RTF2: variants seen among roughly 807,000 people sequenced by gnomAD.
The protein encoded by RTF2 is UPF0549 protein C20orf43.
Under a neutral mutation model 38.0 loss-of-function variants are expected in RTF2, and 18 were observed. The observed-to-expected ratio is 0.47, with a 90% CI of 0.33 to 0.70. RTF2 has a LOEUF of 0.70. Ranked by LOEUF, RTF2 falls within the 30% of genes least tolerant of loss-of-function variation. The pLI, the probability that RTF2 is intolerant of heterozygous loss-of-function variation, is 0.02. For synonymous variants in RTF2, 126 were observed against 137.1 expected (o/e 0.92, Z 0.57); for missense variants, 311 against 379.6 (o/e 0.82, Z 1.50).
At chr20:56,499,773 G>A (rs1983806619) in intron 5 of RTF2, among the ~76,000 whole-genome samples, 1 of 151,158 alleles carries the variant, frequency 6.6e-6, no homozygotes. Context: ...GTCTCACTCT[G>A]TCACCCAGGC....
intron 5 of RTF2, among the ~76,000 whole-genome samples, chr20:56,494,008 T>G (rs1171980912): frequency 6.6e-6 from 1 of 152,154 alleles, no homozygotes; most frequent in East Asian, 1.9e-4. Flanking sequence ...GTGACTTCAC[T>G]TACCTGAGCC....
chr20:56,495,169 GC>G (rs2146343140), intron 5 of RTF2: 1 of 1,444,976 alleles, frequency 6.9e-7, no homozygotes, highest in Non-Finnish European at 9.5e-7. Context: ...AAAATTTGAA[GC>G]CTTTTTTGTT....
chr20:56,518,220 G>A lies in RTF2; in HGVS notation c.876G>A (p.Lys292=), dbSNP rs143054827. 2.9e-5 allele frequency: 47 copies of A among 1,613,990 alleles called. No individual in the cohort carries two copies. The highest frequency in any genetic ancestry group is 4.0e-5 in the Non-Finnish European group (47 of 1,180,004). ...CTCACAGCTCCGCCAAGCGCTCCAA[G>A]GAGGAGTCTGCCCACTGGGTCACCC... ...FTTHSSAKRS[K]EESAHWVTHT... is the part of the protein sequence containing the mutation. Residue 292 remains lysine, a synonymous_variant, in exon 9 of 9, where the codon AAG becomes AAA. Coordinates refer to ENST00000357348, the MANE Select transcript of RTF2 (RefSeq NM_016407.5).
intron 5 of RTF2, among the ~76,000 whole-genome samples, chr20:56,505,995 A>G (rs1227200424): frequency 6.6e-6 from 1 of 152,212 alleles, no homozygotes; most frequent in Non-Finnish European, 1.5e-5. Context: ...GATTAGCATA[A>G]GTTTTCCTTC....
chr20:56,477,724 C>T (rs964873650), intron 4 of RTF2, among the ~76,000 whole-genome samples: 1 of 152,050 alleles, frequency 6.6e-6, no homozygotes, highest in Non-Finnish European at 1.5e-5. Flanking sequence ...CCCTATGTTG[C>T]CCAGGCTGGA....
chr20:56,496,362 A>T (rs1414451299), intron 5 of RTF2, among the ~76,000 whole-genome samples: 1 of 152,162 alleles, frequency 6.6e-6, no homozygotes, highest in Non-Finnish European at 1.5e-5. Context: ...AGCCTGACGA[A>T]CATAGACAAA....
At chr20:56,516,890 G>C (rs1343168573) in intron 6 of RTF2, 45 bp from the exon 7 acceptor site, 1 of 1,580,154 alleles carries the variant, frequency 6.3e-7, no homozygotes, top group Non-Finnish European at 8.7e-7. Flanking sequence ...CGCTGAAGTG[G>C]AGTGAATCTG....
Position 56,518,412 on chromosome 20 carries a change from C to G in RTF2, c.*147C>G. ...CTGGCCAGCCTTCAAGCTGGTGTGGCCACTCTTGATGTGAGGCGTGTCGGT... is the reference window on the plus strand; with the variant it reads ...CTGGCCAGCCTTCAAGCTGGTGTGGGCACTCTTGATGTGAGGCGTGTCGGT... On this transcript the variant is annotated 3_prime_UTR_variant, in exon 9 of 9. Coordinates refer to ENST00000357348, the MANE Select transcript of RTF2 (RefSeq NM_016407.5). The G allele has an allele frequency of 1.3e-6, 1 of 775,918 alleles. No individual in the cohort carries two copies. Among genetic ancestry groups the G allele is most frequent in the Non-Finnish European group, 2.0e-6 (1 of 504,896 alleles). 48.1% of individuals were successfully genotyped at this position (775,918 alleles called of 1,614,324 possible). A position where few individuals can be genotyped will look rare whatever the true frequency, so the allele number is the denominator to read the frequency against.
intron 5 of RTF2, among the ~76,000 whole-genome samples, chr20:56,510,073 T>C (rs1984545320): frequency 6.6e-6 from 1 of 151,998 alleles, no homozygotes; most frequent in African/African-American, 2.4e-5. Flanking sequence ...AGTAGATTAA[T>C]GGTTGCCTAA....
chr20:56,482,883 C>T (rs1368693249), intron 4 of RTF2, among the ~76,000 whole-genome samples: 1 of 152,218 alleles, frequency 6.6e-6, no homozygotes, highest in African/African-American at 2.4e-5. Flanking sequence ...CCCCACACCA[C>T]ACACCCATAT....
chr20:56,502,300 A>G (rs993412904), intron 5 of RTF2, among the ~76,000 whole-genome samples: 1 of 152,196 alleles, frequency 6.6e-6, no homozygotes, highest in African/African-American at 2.4e-5. Context: ...GGGTTAAAGT[A>G]CTTCCAGGGA....
intron 5 of RTF2, among the ~76,000 whole-genome samples, chr20:56,498,154 C>T (rs1233707346): frequency 2.6e-5 from 4 of 152,152 alleles, no homozygotes; most frequent in African/African-American, 7.2e-5. Context: ...ACATAGACAC[C>T]GTCCTGTTCT....
At chr20:56,501,385 C>T (rs1983919134) in intron 5 of RTF2, among the ~76,000 whole-genome samples, 1 of 152,026 alleles carries the variant, frequency 6.6e-6, no homozygotes, top group Non-Finnish European at 1.5e-5. Context: ...AATTAATTTC[C>T]AGTAAATGTA....
intron 5 of RTF2, chr20:56,496,788 G>A (rs1302093173): frequency 1.3e-6 from 2 of 1,552,124 alleles, no homozygotes; most frequent in Non-Finnish European, 1.7e-6. Context: ...AAAATAAATG[G>A]TTAAGTTATG....
At chr20:56,487,973 G>A (rs1982882562) in intron 5 of RTF2, among the ~76,000 whole-genome samples, 1 of 152,150 alleles carries the variant, frequency 6.6e-6, no homozygotes, top group African/African-American at 2.4e-5. Context: ...TCCCAATAAG[G>A]TCACATTTTG....
intron 5 of RTF2, among the ~76,000 whole-genome samples, chr20:56,509,098 T>G (rs1984468441): frequency 1.3e-5 from 2 of 152,184 alleles, no homozygotes; most frequent in South Asian, 4.1e-4. Context: ...AGACAGAACT[T>G]ATATCCAGAA....
intron 4 of RTF2, 92 bp from the exon 5 acceptor site, chr20:56,484,019 T>G (rs1214862234): frequency 3.9e-6 from 4 of 1,032,320 alleles, no homozygotes; most frequent in Non-Finnish European, 5.9e-6. Context: ...ACTATTTTAA[T>G]CTTTGTGGTT....
chr20:56,472,267 C>CT, intron 1 of RTF2: 2 of 972,954 alleles, frequency 2.1e-6, no homozygotes, highest in Non-Finnish European at 1.6e-6. Context: ...TTTTTGTCTT[C>CT]TTTTTTTCTT....
At chr20:56,484,726 C>T (rs1376100551) in intron 5 of RTF2, among the ~76,000 whole-genome samples, 1 of 152,252 alleles carries the variant, frequency 6.6e-6, no homozygotes, top group African/African-American at 2.4e-5. Flanking sequence ...AGTAACTAGA[C>T]ATGAGAGCTA....
Sources: gnomAD v4.1 joint callset for allele counts (sites outside exome capture counted in the v4.1 genomes callset) on GRCh38, gnomAD v4.1.1 for gene constraint, MANE v1.5 for transcripts, NCBI Gene and HGNC (gene_info 2026-07-23, HGNC 2026-07-21) for gene names.